PCDHGB3: variants seen among roughly 807,000 people sequenced by gnomAD.
The protein encoded by PCDHGB3 is protocadherin gamma subfamily B, 3.
Under a neutral mutation model 59.2 loss-of-function variants are expected in PCDHGB3, and 40 were observed. That is an observed-to-expected ratio of 0.68 (90% CI 0.52 to 0.88). The LOEUF is 0.88. Ranked by LOEUF, PCDHGB3 falls within the 40% of genes least tolerant of loss-of-function variation. The pLI is 0.00. For synonymous variants in PCDHGB3, 581 were observed against 503.6 expected, an observed-to-expected ratio of 1.15 and a Z score of -2.06; for missense variants, 1,309 against 1,187.9, an observed-to-expected ratio of 1.10 and a Z score of -1.50.
rs2099623857 is a variant in PCDHGB3, at chr5:141,486,060, A to ACC, written c.2416-8744_2416-8743dup. On this transcript the variant is annotated intron_variant, in intron 1 of 3. Transcript: ENST00000576222. This position sits in a 1 kb window ranked among gnomAD's most constrained non-coding sequence, Gnocchi z 5.0. Reference sequence around the variant, plus strand: ...CGTGTAAGAAACCTCTTTAGCCTGCACCCCACTACTGGAAAGCTTACTCTT... The same window carrying ACC: ...CGTGTAAGAAACCTCTTTAGCCTGCACCCCCCACTACTGGAAAGCTTACTCTT... The ACC allele has an allele frequency of 1.2e-6, 2 of 1,613,980 alleles. No homozygotes were observed. The highest frequency in any genetic ancestry group is 1.7e-6 in the Non-Finnish European group (2 of 1,179,980).
chr5:141,462,599 T>TGG (rs2099043404), intron 1 of PCDHGB3, among the ~76,000 whole-genome samples: 1 of 152,208 alleles, frequency 6.6e-6, no homozygotes, highest in African/African-American at 2.4e-5. Context: ...CCATTTCATA[T>TGG]ATTGTATTTT....
chr5:141,409,230 A>G, intron 1 of PCDHGB3: 1 of 1,614,024 alleles, frequency 6.2e-7, no homozygotes. Context: ...GAAAACGACA[A>G]CAGCCCAGAA....
chr5:141,372,049 T>TG lies in PCDHGB3; in HGVS notation c.1657dup (p.Asp553GlyfsTer73). 1 of 1,613,484 alleles carries TG rather than the reference T, an allele frequency of 6.2e-7. No individual in the cohort carries two copies. The highest frequency in any genetic ancestry group is 8.5e-7 in the Non-Finnish European group (1 of 1,179,772). On this transcript the variant is annotated frameshift_variant, in exon 1 of 4. Coordinates refer to ENST00000576222, the MANE Select transcript of PCDHGB3 (RefSeq NM_018924.5). LOFTEE classifies it high-confidence loss of function. Reference sequence around the variant, plus strand: ...GCCAACGTGAGCCTGCGCGTGTTGGTGGACGACCGCAACGACAATGCACCG... The same window carrying TG: ...GCCAACGTGAGCCTGCGCGTGTTGGTGGGACGACCGCAACGACAATGCACCG...
At chr5:141,428,081 C>G (rs768842388) in intron 1 of PCDHGB3, 3 of 1,609,218 alleles carry the variant, frequency 1.9e-6, no homozygotes, top group South Asian at 2.2e-5. Context: ...CGGGACACAA[C>G]GCTTGGCTGT....
intron 1 of PCDHGB3, chr5:141,374,981 G>A (rs761282613): frequency 6.2e-7 from 1 of 1,614,036 alleles, no homozygotes; most frequent in Non-Finnish European, 8.5e-7. Context: ...TTTGACTGGA[G>A]AAATTTCAAC....
intron 1 of PCDHGB3, among the ~76,000 whole-genome samples, chr5:141,471,035 G>A (rs2099247157): frequency 7.1e-6 from 1 of 141,386 alleles, no homozygotes; most frequent in Admixed American, 7.1e-5. Flanking sequence ...TTATTAACAA[G>A]CCCAAGCCCT....
Position 141,432,099 on chromosome 5 carries a change from A to G in PCDHGB3, c.2415+59290A>G. On this transcript the variant is annotated intron_variant, in intron 1 of 3. Transcript: ENST00000576222. This position sits in a 1 kb window ranked among gnomAD's most constrained non-coding sequence, Gnocchi z 6.0. ...TCGCTGAACGTGGCAGACACCAACG[A>G]CAACCCGCCGGTCTTCCCTCAGGCC... 6.2e-7 allele frequency: 1 copy of G among 1,614,102 alleles called. No homozygotes were observed. The highest frequency in any genetic ancestry group is 1.1e-5 in the South Asian group (1 of 91,070).
rs1375291090 is a variant in PCDHGB3, at chr5:141,392,672, T to A, written c.2415+19863T>A. 5.7e-6 allele frequency: 5 copies of A among 880,364 alleles called. No homozygotes were observed. In the Admixed American group the frequency reaches 1.3e-4, roughly 22 times the overall value. 54.5% of individuals were successfully genotyped at this position (880,364 alleles called of 1,614,324 possible). A position where few individuals can be genotyped will look rare whatever the true frequency, so the allele number is the denominator to read the frequency against. Reference sequence around the variant, plus strand: ...CCCGCAGATGCCACAAACTAACTGCTGGACTGCAGCGAAACCCGACCCCTG... The same window carrying A: ...CCCGCAGATGCCACAAACTAACTGCAGGACTGCAGCGAAACCCGACCCCTG... On this transcript the variant is annotated intron_variant, in intron 1 of 3. Transcript: ENST00000576222.
At position 141,486,272 on chromosome 5, in the gene PCDHGB3, A is replaced by C. The variant is rs2099627166; in HGVS notation, c.2416-8535A>C. On this transcript the variant is annotated intron_variant, in intron 1 of 3. Transcript: ENST00000576222. The surrounding 1 kb of genome is among the most constrained non-coding windows in gnomAD (Gnocchi z 5.0). ...CCTCCCCGAGAGTGCAGAACCTGGC[A>C]CTGTGGTGGCACTTATCAGTGTGCA... 1 of 1,613,886 alleles carries C rather than the reference A, an allele frequency of 6.2e-7. No individual in the cohort carries two copies. Among genetic ancestry groups the C allele is most frequent in the Non-Finnish European group, 8.5e-7 (1 of 1,179,986 alleles).
intron 3 of PCDHGB3, 154 bp from the exon 4 acceptor site, chr5:141,510,793 G>GAGA: frequency 1.1e-6 from 1 of 935,078 alleles, no homozygotes; most frequent in Non-Finnish European, 1.3e-6. Context: ...CTCTTGTGAA[G>GAGA]AGAGACTACC....
chr5:141,422,259 C>T (rs751340056), intron 1 of PCDHGB3: 2 of 1,565,034 alleles, frequency 1.3e-6, no homozygotes, highest in Non-Finnish European at 1.7e-6. Flanking sequence ...TGAATGATAA[C>T]GCTCCAGAAA....
At chr5:141,386,329 GA>G (rs1445155662) in intron 1 of PCDHGB3, among the ~76,000 whole-genome samples, 4 of 152,150 alleles carry the variant, frequency 2.6e-5, no homozygotes, top group Non-Finnish European at 4.4e-5. Context: ...TTGTCATCCA[GA>G]AGGGGTGGAT....
rs767580455 is a variant in PCDHGB3 at position 141,402,948 on chromosome 5, C to G, written c.2415+30139C>G. The G allele has an allele frequency of 7.5e-6, 12 of 1,592,864 alleles. No individual in the cohort carries two copies. In the African/African-American group the frequency reaches 1.2e-4, roughly 16 times the overall value. On this transcript the variant is annotated intron_variant, in intron 1 of 3. Transcript: ENST00000576222. ...CTTTTGAGAAAATTCCAAAGCGAGG[C>G]AGCAATGGCAGCTCCAACCAAATGC... is the stretch of plus-strand genomic sequence containing the variant.
chr5:141,388,170 T>C (rs756859307), intron 1 of PCDHGB3: 9 of 1,495,754 alleles, frequency 6.0e-6, no homozygotes, highest in Non-Finnish European at 8.3e-6. Flanking sequence ...GGAGGAGATA[T>C]GCGGGAAGAA....
intron 1 of PCDHGB3, chr5:141,423,195 G>A: frequency 1.2e-6 from 2 of 1,613,544 alleles, no homozygotes; most frequent in Non-Finnish European, 8.5e-7. Flanking sequence ...CCCCTCTCTC[G>A]GCCACCGTCA....
rs760575047 is a variant in PCDHGB3 at position 141,493,887 on chromosome 5, G to A, written c.2416-920G>A. Among the ~76,000 whole-genome samples the A allele has an allele frequency of 1.3e-5, 2 of 152,184 alleles. No individual in the cohort carries two copies. The highest frequency in any genetic ancestry group is 2.4e-5 in the African/African-American group (1 of 41,448). On this transcript the variant is annotated intron_variant, in intron 1 of 3. Coordinates refer to ENST00000576222, the MANE Select transcript of PCDHGB3 (RefSeq NM_018924.5). The surrounding 1 kb of genome is among the most constrained non-coding windows in gnomAD (Gnocchi z 4.3). Reference sequence around the variant, plus strand: ...AGAACCAGTGAGGAGGTGGCTCTAGGAGTGCTCCATGAGAGTGTGTGATGG... The same window carrying A: ...AGAACCAGTGAGGAGGTGGCTCTAGAAGTGCTCCATGAGAGTGTGTGATGG...
At chr5:141,389,513 C>T (rs749432491) in intron 1 of PCDHGB3, 3 of 1,613,156 alleles carry the variant, frequency 1.9e-6, no homozygotes, top group South Asian at 1.1e-5. Context: ...TCAGCGCGAA[C>T]GTGAGCCTGC....
chr5:141,417,785 A>C (rs1273908599), intron 1 of PCDHGB3: 22 of 1,476,018 alleles, frequency 1.5e-5, no homozygotes, highest in Non-Finnish European at 1.7e-5. Context: ...TCCTGGGCCG[A>C]ATGCTCTTTT....
At chr5:141,414,183 A>C in intron 1 of PCDHGB3, 1 of 1,609,508 alleles carries the variant, frequency 6.2e-7, no homozygotes, top group Non-Finnish European at 8.5e-7. Flanking sequence ...CAACTGCAAA[A>C]GTGTTGATTA....
Sources: gnomAD v4.1 joint callset for allele counts (sites outside exome capture counted in the v4.1 genomes callset) on GRCh38, gnomAD v4.1.1 for gene constraint, Gnocchi (gnomAD v3.1) non-coding constraint, MANE v1.5 for transcripts, NCBI Gene and HGNC (gene_info 2026-07-23, HGNC 2026-07-21) for gene names.